The following NRXN1 variants were observed in gnomAD, a reference collection of about 807,000 sequenced individuals.
NRXN1 encodes the protein neurexin-1.
In NRXN1, 39 loss-of-function variants were observed where a neutral mutation model predicts 150.9. That is an observed-to-expected ratio of 0.26 (90% CI 0.20 to 0.34). The LOEUF is 0.34. Ranked by LOEUF, NRXN1 falls within the 10% of genes least tolerant of loss-of-function variation. The pLI is 1.00. For missense variants in NRXN1, 1,815 were observed against 1,949.9 expected (o/e 0.93, Z 1.30); for synonymous variants, 924 against 757.0 (o/e 1.22, Z -3.62).
chr2:50,941,867 C>T (rs573793638), intron 2 of NRXN1, among the ~76,000 whole-genome samples: 1 of 152,200 alleles, frequency 6.6e-6, no homozygotes, highest in South Asian at 2.1e-4. Flanking sequence ...ATTTGCATAA[C>T]TAAAGAGAAG....
chr2:50,721,170 C>T (rs1696596706), intron 5 of NRXN1, among the ~76,000 whole-genome samples: 1 of 152,148 alleles, frequency 6.6e-6, no homozygotes, highest in Admixed American at 6.5e-5. Flanking sequence ...GGACAGCTCA[C>T]ATAGCTGCTC....
intron 2 of NRXN1, among the ~76,000 whole-genome samples, chr2:50,997,396 C>G (rs937575801): frequency 3.4e-5 from 5 of 147,510 alleles, no homozygotes; most frequent in Admixed American, 2.7e-4. Flanking sequence ...AAAAGATACT[C>G]TGCATAGAAA....
chr2:50,731,354 G>C (rs910069469), intron 5 of NRXN1, among the ~76,000 whole-genome samples: 4 of 152,144 alleles, frequency 2.6e-5, no homozygotes, highest in African/African-American at 9.7e-5. Context: ...AGTTTATTCT[G>C]ATTATTCTTT....
intron 9 of NRXN1, among the ~76,000 whole-genome samples, chr2:50,552,052 A>G (rs1187871929): frequency 1.3e-5 from 2 of 152,166 alleles, no homozygotes; most frequent in East Asian, 1.9e-4. Flanking sequence ...CTTTCATCAG[A>G]AAGGGAAGCA....
intron 21 of NRXN1, among the ~76,000 whole-genome samples, chr2:49,998,097 A>G (rs1338742657): frequency 6.6e-6 from 1 of 152,140 alleles, no homozygotes; most frequent in Non-Finnish European, 1.5e-5. Context: ...GGACAATAAG[A>G]TACTGTAGTC....
At chr2:50,925,510 A>G (rs750358929) in intron 3 of NRXN1, among the ~76,000 whole-genome samples, 4 of 151,884 alleles carry the variant, frequency 2.6e-5, no homozygotes, top group Non-Finnish European at 5.9e-5. Flanking sequence ...ATCATTTTAA[A>G]CAAACCAATG....
chr2:50,382,720 T>C (rs1221430328), intron 17 of NRXN1, among the ~76,000 whole-genome samples: 2 of 152,150 alleles, frequency 1.3e-5, no homozygotes, highest in African/African-American at 2.4e-5. Context: ...AAGTTCCCCA[T>C]GGGCAGACCA....
At chr2:50,202,644 G>C (rs1256413362) in intron 18 of NRXN1, among the ~76,000 whole-genome samples, 5 of 152,154 alleles carry the variant, frequency 3.3e-5, no homozygotes, top group African/African-American at 1.2e-4. Flanking sequence ...TATCCTGCCT[G>C]ACACTTATAG....
chr2:50,806,772 C>T (rs1318970924), intron 5 of NRXN1, among the ~76,000 whole-genome samples: 1 of 152,004 alleles, frequency 6.6e-6, no homozygotes, highest in African/African-American at 2.4e-5. Flanking sequence ...CGTACTAGTC[C>T]TGCCTAAAGT....
intron 5 of NRXN1, among the ~76,000 whole-genome samples, chr2:50,898,126 G>T (rs1682305879): frequency 6.6e-6 from 1 of 152,080 alleles, no homozygotes; most frequent in Admixed American, 6.5e-5. Flanking sequence ...CTCCTATTAA[G>T]TTGTCATTAG....
chr2:50,273,500 T>C (rs1350888508), intron 17 of NRXN1, among the ~76,000 whole-genome samples: 1 of 152,170 alleles, frequency 6.6e-6, no homozygotes, highest in Non-Finnish European at 1.5e-5. Flanking sequence ...CGAGTGCTAT[T>C]GGTAAATCAG....
intron 5 of NRXN1, among the ~76,000 whole-genome samples, chr2:50,773,984 C>A (rs979851822): frequency 2.6e-5 from 4 of 152,074 alleles, no homozygotes; most frequent in African/African-American, 9.7e-5. Context: ...AGTAAAGCAA[C>A]CCCCACACGA....
At chr2:50,889,964 A>C (rs527476684) in intron 5 of NRXN1, among the ~76,000 whole-genome samples, 2 of 151,856 alleles carry the variant, frequency 1.3e-5, no homozygotes, top group East Asian at 3.9e-4. Flanking sequence ...CTTTAAAATA[A>C]ATCTAATTTA....
At chr2:50,134,705 T>C (rs1706111737) in intron 18 of NRXN1, among the ~76,000 whole-genome samples, 1 of 152,172 alleles carries the variant, frequency 6.6e-6, no homozygotes, top group African/African-American at 2.4e-5. Context: ...ACCAATGCCT[T>C]TTCCTCTTAA....
intron 5 of NRXN1, among the ~76,000 whole-genome samples, chr2:50,827,203 G>A (rs569983037): frequency 2.6e-4 from 39 of 152,276 alleles, no homozygotes; most frequent in African/African-American, 5.8e-4. Flanking sequence ...AGGTCGATGC[G>A]TATGATACAA....
intron 5 of NRXN1, among the ~76,000 whole-genome samples, chr2:50,764,994 A>G (rs1014471146): frequency 2.0e-5 from 3 of 151,966 alleles, no homozygotes; most frequent in Non-Finnish European, 4.4e-5. Flanking sequence ...TGCTAGTGTT[A>G]TTGTTGTTAA....
intron 5 of NRXN1, among the ~76,000 whole-genome samples, chr2:50,876,203 C>G (rs968316095): frequency 1.3e-5 from 2 of 151,772 alleles, no homozygotes; most frequent in African/African-American, 2.4e-5. Context: ...GAATATAAAA[C>G]CCATCCTAGA....
At chr2:50,402,295 G>GT (rs796953259) in intron 17 of NRXN1, among the ~76,000 whole-genome samples, 7 of 151,522 alleles carry the variant, frequency 4.6e-5, no homozygotes, top group East Asian at 1.9e-4. Flanking sequence ...TTTTTTGTTG[G>GT]TTTTTTTAAA....
chr2:50,720,216 C>G (rs1696457166), intron 5 of NRXN1, among the ~76,000 whole-genome samples: 1 of 151,852 alleles, frequency 6.6e-6, no homozygotes, highest in South Asian at 2.1e-4. Flanking sequence ...TTAACCACAT[C>G]TTGAACCTTG....
Sources: allele counts gnomAD v4.1 joint callset (sites outside exome capture counted in the v4.1 genomes callset), GRCh38; gene constraint gnomAD v4.1.1; transcripts MANE v1.5; gene names NCBI Gene and HGNC (gene_info 2026-07-23, HGNC 2026-07-21).